FGF12: variants seen among roughly 807,000 people sequenced by gnomAD.
FGF12 encodes the protein fibroblast growth factor 12B.
FGF12 carries 14 observed loss-of-function variants against 23.6 expected under a neutral mutation model. The observed-to-expected ratio is 0.59, with a 90% CI of 0.39 to 0.93. The LOEUF (loss-of-function observed/expected upper bound fraction) is 0.93. FGF12 is among the 40% of genes least tolerant of loss of function. The probability of loss-of-function intolerance (pLI) is 0.00; values close to 1 mark genes in which losing one functional copy is unlikely to be tolerated. For synonymous variants in FGF12, 62 were observed against 77.3 expected, an observed-to-expected ratio of 0.80 and a Z score of 1.04; for missense variants, 175 against 217.8, an observed-to-expected ratio of 0.80 and a Z score of 1.24.
chr3:192,359,718 C>T (rs896695185), intron 3 of FGF12, among the ~76,000 whole-genome samples: 5 of 152,162 alleles, frequency 3.3e-5, no homozygotes, highest in African/African-American at 1.2e-4. Flanking sequence ...AACTTGTCAA[C>T]TCTAAAGTTA....
intron 2 of FGF12, among the ~76,000 whole-genome samples, chr3:192,387,413 GA>G (rs537011818): frequency 6.6e-6 from 1 of 152,126 alleles, no homozygotes; most frequent in Non-Finnish European, 1.5e-5. Flanking sequence ...TTTAAGTTGG[GA>G]GAAAGAAAAT....
At chr3:192,462,813 A>G (rs923204539) in intron 2 of FGF12, among the ~76,000 whole-genome samples, 2 of 152,194 alleles carry the variant, frequency 1.3e-5, no homozygotes, top group Non-Finnish European at 2.9e-5. Context: ...TGATAATGAT[A>G]TATATTAATT....
At chr3:192,165,902 G>A (rs1200809737) in intron 5 of FGF12, among the ~76,000 whole-genome samples, 2 of 152,094 alleles carry the variant, frequency 1.3e-5, no homozygotes, top group African/African-American at 4.8e-5. Context: ...TGGTTACTTA[G>A]TTACTTTAAA....
intron 4 of FGF12, among the ~76,000 whole-genome samples, chr3:192,194,425 A>G (rs1364041977): frequency 6.6e-6 from 1 of 152,206 alleles, no homozygotes; most frequent in Non-Finnish European, 1.5e-5. Context: ...CACTTACAAA[A>G]TGAAACTGTG....
chr3:192,404,210 A>G (rs1720872637), intron 2 of FGF12, among the ~76,000 whole-genome samples: 1 of 152,204 alleles, frequency 6.6e-6, no homozygotes, highest in South Asian at 2.1e-4. Flanking sequence ...ATATAGAAAT[A>G]TAATAAAAAC....
chr3:192,407,614 G>A (rs191447981), intron 2 of FGF12, among the ~76,000 whole-genome samples: 4 of 152,246 alleles, frequency 2.6e-5, no homozygotes, highest in Admixed American at 2.6e-4. Context: ...GGTCCTCAGT[G>A]GGCAGCGTAA....
intron 4 of FGF12, among the ~76,000 whole-genome samples, chr3:192,279,448 A>G (rs1051110066): frequency 6.6e-6 from 1 of 152,128 alleles, no homozygotes; most frequent in African/African-American, 2.4e-5. Context: ...TAATTCTAAT[A>G]ACAACCCTAT....
intron 2 of FGF12, among the ~76,000 whole-genome samples, chr3:192,373,126 C>T (rs546620451): frequency 1.3e-4 from 19 of 151,974 alleles, no homozygotes; most frequent in Non-Finnish European, 2.5e-4. Context: ...CTTCATTGCA[C>T]GTAGTCGAAT....
intron 2 of FGF12, among the ~76,000 whole-genome samples, chr3:192,654,427 T>C (rs998027648): frequency 6.6e-6 from 1 of 151,256 alleles, no homozygotes; most frequent in African/African-American, 2.4e-5. Context: ...ATAAAAAAAA[T>C]AAATAATCTC....
intron 2 of FGF12, among the ~76,000 whole-genome samples, chr3:192,596,319 T>C (rs1194829283): frequency 2.0e-5 from 3 of 151,976 alleles, no homozygotes; most frequent in Non-Finnish European, 2.9e-5. Context: ...TTAACTTCTT[T>C]GAAGGCAAAG....
intron 2 of FGF12, among the ~76,000 whole-genome samples, chr3:192,550,015 T>G (rs1202095689): frequency 6.6e-6 from 1 of 151,898 alleles, no homozygotes; most frequent in African/African-American, 2.4e-5. Flanking sequence ...TCCCTCTGTC[T>G]CTCTCTGTCT....
At chr3:192,464,506 GT>G (rs1722953794) in intron 2 of FGF12, among the ~76,000 whole-genome samples, 1 of 115,732 alleles carries the variant, frequency 8.6e-6, no homozygotes, top group African/African-American at 4.1e-5. Flanking sequence ...CATGGTGTGT[GT>G]GTGTGTGTGT....
chr3:192,262,648 C>T (rs1712831361), intron 4 of FGF12, among the ~76,000 whole-genome samples: 1 of 152,084 alleles, frequency 6.6e-6, no homozygotes, highest in South Asian at 2.1e-4. Flanking sequence ...AGAGTCTATA[C>T]CATTCAGCCC....
chr3:192,458,608 C>T (rs1428443088), intron 2 of FGF12, among the ~76,000 whole-genome samples: 1 of 152,172 alleles, frequency 6.6e-6, no homozygotes, highest in African/African-American at 2.4e-5. Flanking sequence ...TGTACCCCCA[C>T]TGTATCTAGG....
At chr3:192,405,900 G>A (rs1720938739) in intron 2 of FGF12, among the ~76,000 whole-genome samples, 1 of 152,116 alleles carries the variant, frequency 6.6e-6, no homozygotes, top group Admixed American at 6.5e-5. Flanking sequence ...TCTAAGCTAA[G>A]CTTCAGAACA....
At chr3:192,465,504 TAG>T (rs538952743) in intron 2 of FGF12, among the ~76,000 whole-genome samples, 144 of 152,328 alleles carry the variant, frequency 9.5e-4, no homozygotes, top group African/African-American at 3.1e-3. Flanking sequence ...CTGCTGTCTC[TAG>T]AGTGTCTGTC....
chr3:192,531,785 C>T (rs563659615), intron 2 of FGF12, among the ~76,000 whole-genome samples: 1 of 152,310 alleles, frequency 6.6e-6, no homozygotes, highest in South Asian at 2.1e-4. Context: ...CTGTCACTGA[C>T]ACCTTGAGTT....
At chr3:192,448,124 T>C (rs1722413214) in intron 2 of FGF12, among the ~76,000 whole-genome samples, 1 of 152,252 alleles carries the variant, frequency 6.6e-6, no homozygotes, top group African/African-American at 2.4e-5. Context: ...CATTTATATG[T>C]ACTACACTCC....
rs187216775 is a variant in FGF12, at chr3:192,358,461, T to A, written c.124+1967A>T. Among the ~76,000 whole-genome samples the A allele has an allele frequency of 1.9e-3, 217 of 115,520 alleles. 2 individuals carry two copies. Among genetic ancestry groups the A allele is most frequent in the Non-Finnish European group, 2.2e-3 (133 of 60,872 alleles). 75.8% of individuals were successfully genotyped at this position (115,520 alleles called of 152,430 possible). On this transcript the variant is annotated intron_variant, in intron 3 of 5. Transcript: ENST00000445105. ...TTTTAAAAGTACTTATTTGACACAA[T>A]GTGTGCCCTATGGTGTGTGTGTGTG...
Sources: gnomAD v4.1 joint callset for allele counts (sites outside exome capture counted in the v4.1 genomes callset) on GRCh38, gnomAD v4.1.1 for gene constraint, MANE v1.5 for transcripts, NCBI Gene and HGNC (gene_info 2026-07-23, HGNC 2026-07-21) for gene names.